The following RBPMS variants were observed in gnomAD, a reference collection of about 807,000 sequenced individuals.
RBPMS encodes RNA-binding protein with multiple splicing.
RBPMS carries 7 observed loss-of-function variants against 26.8 expected under a neutral mutation model. The observed-to-expected ratio is 0.26, with a 90% CI of 0.15 to 0.49. The LOEUF (loss-of-function observed/expected upper bound fraction) is 0.49, where lower values mean the gene tolerates loss of function less well. Ranked by LOEUF, RBPMS falls within the 20% of genes least tolerant of loss-of-function variation. The pLI is 0.98. For missense variants in RBPMS, 186 were observed against 250.0 expected (o/e 0.74, Z 1.73); for synonymous variants, 96 against 93.3 (o/e 1.03, Z -0.17).
chr8:30,413,201 CCTGAG>C (rs1563294736), intron 1 of RBPMS, among the ~76,000 whole-genome samples: 2 of 152,298 alleles, frequency 1.3e-5, no homozygotes, highest in East Asian at 3.9e-4. Context: ...GCCTCAGCCT[CCTGAG>C]TAGCTGGGAG....
At chr8:30,523,302 G>A (rs1257662406) in intron 5 of RBPMS, among the ~76,000 whole-genome samples, 4 of 151,642 alleles carry the variant, frequency 2.6e-5, no homozygotes, top group South Asian at 2.1e-4. Context: ...GCTTGAACCC[G>A]AGAGGCGGAG....
In RBPMS at chr8:30,384,560, T is replaced by C. The variant is rs113142693; in HGVS notation, c.-533T>C. ...CTTCCCAGAGCCTGCCTGGAGCGCG[T>C]ACTCAGCGGCTCTCGGGTCCCAGCG... On this transcript the variant is annotated 5_prime_UTR_variant, in exon 1 of 9. Coordinates refer to ENST00000397323, the MANE Select transcript of RBPMS (RefSeq NM_001008710.3). The surrounding 1 kb of genome is among the most constrained non-coding windows in gnomAD (Gnocchi z 5.6). 42,570 of 153,252 alleles carry C rather than the reference T, an allele frequency of 0.28. 6,117 individuals carry two copies. Among genetic ancestry groups the C allele is most frequent in the African/African-American group, 0.34 (14,055 of 41,314 alleles). 9.5% of individuals were successfully genotyped at this position (153,252 alleles called of 1,614,324 possible).
chr8:30,448,160 G>A (rs1325239601), intron 1 of RBPMS, among the ~76,000 whole-genome samples: 1 of 152,170 alleles, frequency 6.6e-6, no homozygotes, highest in Admixed American at 6.5e-5. Flanking sequence ...AAATAAATTA[G>A]GCTTGTTCTA....
At chr8:30,560,493 G>A (rs983279161) in intron 7 of RBPMS, among the ~76,000 whole-genome samples, 1 of 152,202 alleles carries the variant, frequency 6.6e-6, no homozygotes, top group Non-Finnish European at 1.5e-5. Flanking sequence ...AGTTGAGAGA[G>A]AGCGCTCTGT....
intron 7 of RBPMS, among the ~76,000 whole-genome samples, chr8:30,560,598 G>T (rs904757566): frequency 2.0e-5 from 3 of 152,214 alleles, no homozygotes; most frequent in African/African-American, 7.2e-5. Flanking sequence ...TCATATTCGA[G>T]TGTGGCCAAA....
rs571632459 is a variant in RBPMS, at chr8:30,455,989, T to C, written c.67-18790T>C. On this transcript the variant is annotated intron_variant, in intron 1 of 8. Coordinates refer to ENST00000397323, the MANE Select transcript of RBPMS (RefSeq NM_001008710.3). ...GAGCCAGTAGAACCCAGGGAGGTAA[T>C]GAATGGAACATCTGAAGGCCAGAGG... Among the ~76,000 whole-genome samples, 12 of 152,284 alleles carry C rather than the reference T, an allele frequency of 7.9e-5. No homozygotes were observed. The South Asian group carries it at 2.3e-3, about 29-fold the overall frequency.
At chr8:30,509,024 C>T (rs1821324661) in intron 5 of RBPMS, among the ~76,000 whole-genome samples, 1 of 152,118 alleles carries the variant, frequency 6.6e-6, no homozygotes, top group African/African-American at 2.4e-5. Flanking sequence ...TTCCTGTACT[C>T]CAGCTCCAAG....
At position 30,504,429 on chromosome 8, in the gene RBPMS, A is replaced by G; in HGVS notation, c.390A>G (p.Arg130=). ...LPNTVPQFIA[R]EPYELTVPAL... ...ACACTGTACCTCAGTTCATTGCCAG[A>G]GAGCCATGTAAGTCGATCTACTTTT... is the stretch of plus-strand genomic sequence containing the variant. The change falls in exon 5 of 9, where the codon AGA becomes AGG. Residue 130 remains arginine, a synonymous_variant. Transcript: ENST00000397323. 6.2e-7 allele frequency: 1 copy of G among 1,614,062 alleles called. No individual in the cohort carries two copies. The highest frequency in any genetic ancestry group is 8.5e-7 in the Non-Finnish European group (1 of 1,179,904).
chr8:30,392,570 C>T (rs553489204), intron 1 of RBPMS, among the ~76,000 whole-genome samples: 3 of 152,088 alleles, frequency 2.0e-5, no homozygotes, highest in Non-Finnish European at 4.4e-5. Flanking sequence ...GGGGATGTGG[C>T]GAATTTTGGA....
chr8:30,510,954 C>G (rs1347044572), intron 5 of RBPMS, among the ~76,000 whole-genome samples: 1 of 151,976 alleles, frequency 6.6e-6, no homozygotes, highest in Non-Finnish European at 1.5e-5. Flanking sequence ...TCACTCAGAC[C>G]TTTGAAAATG....
At chr8:30,568,719 G>C (rs1828064086) in intron 8 of RBPMS, among the ~76,000 whole-genome samples, 2 of 152,178 alleles carry the variant, frequency 1.3e-5, no homozygotes, top group African/African-American at 4.8e-5. Context: ...CCGTGGGGCT[G>C]TGTTCCCAGA....
chr8:30,517,249 T>C (rs1033137851), intron 5 of RBPMS, among the ~76,000 whole-genome samples: 8 of 145,612 alleles, frequency 5.5e-5, no homozygotes, highest in Non-Finnish European at 1.2e-4. Context: ...AAATACCATG[T>C]AACCAAAGCT....
At chr8:30,466,599 T>C (rs1664975530) in intron 1 of RBPMS, among the ~76,000 whole-genome samples, 1 of 143,576 alleles carries the variant, frequency 7.0e-6, no homozygotes, top group African/African-American at 2.7e-5. Context: ...TTTTTTTTCT[T>C]TTTTTTTTTT....
At chr8:30,483,763 C>T (rs1034227364) in intron 4 of RBPMS, among the ~76,000 whole-genome samples, 3 of 151,996 alleles carry the variant, frequency 2.0e-5, no homozygotes, top group African/African-American at 7.2e-5. Flanking sequence ...AAATACCTCC[C>T]CATTCTCCCT....
chr8:30,534,088 T>C (rs1480729737), intron 5 of RBPMS, among the ~76,000 whole-genome samples: 1 of 151,292 alleles, frequency 6.6e-6, no homozygotes, highest in African/African-American at 2.4e-5. Flanking sequence ...GAGCCGAAAT[T>C]GCGCCACTGA....
intron 1 of RBPMS, among the ~76,000 whole-genome samples, chr8:30,472,289 G>A: frequency 6.6e-6 from 1 of 152,188 alleles, no homozygotes; most frequent in East Asian, 1.9e-4. Flanking sequence ...TTCATGCTAA[G>A]GGAAAGAAGC....
At chr8:30,499,110 A>G (rs1400736315) in intron 4 of RBPMS, among the ~76,000 whole-genome samples, 1 of 152,146 alleles carries the variant, frequency 6.6e-6, no homozygotes, top group Non-Finnish European at 1.5e-5. Context: ...TGGAGTAGAA[A>G]GCTGATACAC....
At chr8:30,395,461 C>CAAAAAAAAAA (rs55914538) in intron 1 of RBPMS, among the ~76,000 whole-genome samples, 1 of 43,804 alleles carries the variant, frequency 2.3e-5, no homozygotes, top group Non-Finnish European at 3.4e-5. Flanking sequence ...GACTCTGTCT[C>CAAAAAAAAAA]AAAAAAAAAA....
intron 8 of RBPMS, among the ~76,000 whole-genome samples, chr8:30,568,367 G>A (rs990017728): frequency 2.6e-5 from 4 of 152,174 alleles, no homozygotes; most frequent in South Asian, 2.1e-4. Context: ...CCAAGGCATC[G>A]GACCGAGACC....
Sources: allele counts gnomAD v4.1 joint callset (sites outside exome capture counted in the v4.1 genomes callset), GRCh38; gene constraint gnomAD v4.1.1; non-coding constraint Gnocchi (gnomAD v3.1); transcripts MANE v1.5; gene names NCBI Gene and HGNC (gene_info 2026-07-23, HGNC 2026-07-21).